Variants in LRRC28 observed in about 807,000 individuals in gnomAD.
The protein encoded by LRRC28 is leucine-rich repeat-containing protein 28.
A neutral mutation model predicts 45.7 loss-of-function variants in LRRC28; 39 were observed. The ratio of observed to expected loss-of-function variants is 0.85; its 90% CI spans 0.66 to 1.12. LRRC28 has a LOEUF of 1.12. Among genes scored for constraint, LRRC28 ranks in the 50% most tolerant of loss-of-function variants. LRRC28 has a pLI of 0.00. For synonymous variants in LRRC28, 206 were observed against 178.8 expected (o/e 1.15, Z -1.22); for missense variants, 435 against 438.5 (o/e 0.99, Z 0.07).
chr15:99,341,934 C>A (rs995931054), intron 6 of LRRC28, among the ~76,000 whole-genome samples: 2 of 152,098 alleles, frequency 1.3e-5, no homozygotes, highest in African/African-American at 4.8e-5. Context: ...TCCAAACAAA[C>A]CAGAAAAACA....
intron 5 of LRRC28, among the ~76,000 whole-genome samples, chr15:99,291,565 A>G (rs1280742963): frequency 6.6e-6 from 1 of 152,192 alleles, no homozygotes; most frequent in Non-Finnish European, 1.5e-5. Flanking sequence ...TGTTATCCCC[A>G]TTTGACCACA....
chr15:99,270,869 A>G (rs1360079139), intron 2 of LRRC28, among the ~76,000 whole-genome samples: 6 of 152,202 alleles, frequency 3.9e-5, no homozygotes, highest in Admixed American at 3.3e-4. Context: ...GCCATTTTAC[A>G]TTACCGCCAG....
intron 7 of LRRC28, among the ~76,000 whole-genome samples, chr15:99,357,726 A>G (rs949216568): frequency 6.6e-6 from 1 of 152,176 alleles, no homozygotes; most frequent in African/African-American, 2.4e-5. Context: ...TTTAAAGTTT[A>G]CCTTAAAATA....
intron 9 of LRRC28, among the ~76,000 whole-genome samples, chr15:99,374,786 G>A (rs536641838): frequency 6.6e-6 from 1 of 151,602 alleles, no homozygotes; most frequent in East Asian, 1.9e-4. Flanking sequence ...TCCTGCCTCA[G>A]CCTCCCAAGT....
At chr15:99,297,857 T>G (rs1455329932) in intron 5 of LRRC28, among the ~76,000 whole-genome samples, 4 of 152,008 alleles carry the variant, frequency 2.6e-5, no homozygotes, top group Admixed American at 6.5e-5. Context: ...CTTTGAAAAT[T>G]TGGCAAAACC....
At chr15:99,366,371 C>G (rs1163284993) in intron 9 of LRRC28, among the ~76,000 whole-genome samples, 4 of 152,132 alleles carry the variant, frequency 2.6e-5, no homozygotes, top group Non-Finnish European at 5.9e-5. Flanking sequence ...TGGATTAGGG[C>G]CTACCCTAAT....
At chr15:99,319,648 A>T (rs1463337894) in intron 5 of LRRC28, among the ~76,000 whole-genome samples, 1 of 124,464 alleles carries the variant, frequency 8.0e-6, no homozygotes, top group Non-Finnish European at 1.6e-5. Flanking sequence ...GTAAAATGTC[A>T]AAACAGTGTG....
chr15:99,368,218 A>C (rs1204246864), intron 9 of LRRC28, among the ~76,000 whole-genome samples: 2 of 152,084 alleles, frequency 1.3e-5, no homozygotes, highest in Admixed American at 6.6e-5. Context: ...TAAATATCTA[A>C]ATCAGGTATG....
At chr15:99,265,283 C>G (rs1168260336) in intron 2 of LRRC28, among the ~76,000 whole-genome samples, 2 of 152,020 alleles carry the variant, frequency 1.3e-5, no homozygotes, top group African/African-American at 4.8e-5. Flanking sequence ...TAGAGAGAGA[C>G]TAAGGAGGTT....
At chr15:99,295,942 C>G (rs1194967057) in intron 5 of LRRC28, among the ~76,000 whole-genome samples, 1 of 152,170 alleles carries the variant, frequency 6.6e-6, no homozygotes, top group Middle Eastern at 3.2e-3. Context: ...AATTTAGTAT[C>G]CTTTCTTAGG....
At chr15:99,338,757 G>A (rs1158442463) in intron 6 of LRRC28, among the ~76,000 whole-genome samples, 1 of 152,198 alleles carries the variant, frequency 6.6e-6, no homozygotes, top group Non-Finnish European at 1.5e-5. Context: ...GACACCACCT[G>A]TAAGGATGAC....
At chr15:99,300,025 C>T (rs1289708822) in intron 5 of LRRC28, among the ~76,000 whole-genome samples, 3 of 152,182 alleles carry the variant, frequency 2.0e-5, no homozygotes, top group African/African-American at 2.4e-5. Flanking sequence ...AATTAAAGCC[C>T]GGCAGAGCTG....
At position 99,255,980 on chromosome 15, in the gene LRRC28, C is replaced by T. The variant is rs145009665; in HGVS notation, c.23C>T (p.Thr8Met). MASELCK[T>M]ISVARLEKHK... is the part of the protein sequence containing the mutation. ...GTCATGGCGTCCGAACTTTGTAAGA[C>T]GATCTCTGTGGCAAGGCTAGAAAAG... The change falls in exon 2 of 10, where the codon ACG (threonine) becomes ATG (methionine). Residue 8 changes from threonine to methionine, a missense_variant. Transcript: ENST00000301981. The T allele has an allele frequency of 1.0e-3, 1,680 of 1,612,348 alleles. 1 individual carries two copies. Among genetic ancestry groups the T allele is most frequent in the Non-Finnish European group, 1.2e-3 (1,433 of 1,179,864 alleles).
intron 9 of LRRC28, among the ~76,000 whole-genome samples, chr15:99,373,863 G>C (rs1266375869): frequency 1.3e-5 from 2 of 152,106 alleles, no homozygotes; most frequent in Non-Finnish European, 2.9e-5. Flanking sequence ...TGTGTTCTAA[G>C]AAATCTTTAC....
intron 2 of LRRC28, among the ~76,000 whole-genome samples, chr15:99,274,120 A>T (rs923474534): frequency 2.0e-5 from 3 of 152,244 alleles, no homozygotes; most frequent in Admixed American, 6.5e-5. Flanking sequence ...AAAAAGAATC[A>T]CAGCTTTCAG....
chr15:99,283,987 C>A (rs558533412), intron 3 of LRRC28, among the ~76,000 whole-genome samples: 1 of 152,296 alleles, frequency 6.6e-6, no homozygotes, highest in South Asian at 2.1e-4. Context: ...TTACCAGGAG[C>A]CAAGCACTGT....
intron 5 of LRRC28, among the ~76,000 whole-genome samples, chr15:99,304,497 C>G (rs1296325446): frequency 1.3e-5 from 2 of 151,890 alleles, no homozygotes; most frequent in Admixed American, 1.3e-4. Context: ...GTGATGTGAT[C>G]TCCGCTCACT....
chr15:99,277,703 C>T (rs1041282235), intron 3 of LRRC28, among the ~76,000 whole-genome samples: 3 of 152,048 alleles, frequency 2.0e-5, no homozygotes, highest in Admixed American at 1.3e-4. Flanking sequence ...TTTTTGCTTT[C>T]ATCCTTTTGT....
chr15:99,286,153 C>T (rs2081952974), intron 3 of LRRC28, among the ~76,000 whole-genome samples: 1 of 152,110 alleles, frequency 6.6e-6, no homozygotes, highest in African/African-American at 2.4e-5. Context: ...GTTTTTGAGA[C>T]GGAGTCTCAC....
Sources: allele counts gnomAD v4.1 joint callset (sites outside exome capture counted in the v4.1 genomes callset), GRCh38; gene constraint gnomAD v4.1.1; transcripts MANE v1.5; gene names NCBI Gene and HGNC (gene_info 2026-07-23, HGNC 2026-07-21).